The following PCDHGA4 variants were observed in gnomAD, a reference collection of about 807,000 sequenced individuals.
PCDHGA4 encodes the protein protocadherin gamma-A4.
A neutral mutation model predicts 54.6 loss-of-function variants in PCDHGA4; 38 were observed. The observed-to-expected ratio is 0.70, with a 90% confidence interval of 0.54 to 0.91. The LOEUF (loss-of-function observed/expected upper bound fraction) is 0.91. Among genes scored for constraint, PCDHGA4 ranks in the 40% least tolerant of loss-of-function variants. The pLI is 0.00. For missense variants in PCDHGA4, 1,298 were observed against 1,220.9 expected (o/e 1.06, Z -0.94); for synonymous variants, 511 against 512.9 (o/e 1.00, Z 0.05).
chr5:141,410,234 CG>C, intron 1 of PCDHGA4: 1 of 1,613,984 alleles, frequency 6.2e-7, no homozygotes, highest in Non-Finnish European at 8.5e-7. Context: ...CCTCAGCGAC[CG>C]CCCTGTACTC....
Position 141,477,584 on chromosome 5 carries a change from G to A in PCDHGA4, c.2515-17223G>A. 5 of 1,614,148 alleles carry A rather than the reference G, an allele frequency of 3.1e-6. No homozygotes were observed. Among genetic ancestry groups the A allele is most frequent in the Non-Finnish European group, 4.2e-6 (5 of 1,180,032 alleles). On this transcript the variant is annotated intron_variant, in intron 1 of 3. Coordinates refer to ENST00000571252, the MANE Select transcript of PCDHGA4 (RefSeq NM_018917.4). This position sits in a 1 kb window ranked among gnomAD's most constrained non-coding sequence, Gnocchi z 4.9. ...CTGGGACCCCGACGCCCCGCAGAAT[G>A]CTCGGCTTTCTTTCTTTCTCTTGGA...
intron 2 of PCDHGA4, among the ~76,000 whole-genome samples, chr5:141,495,107 AC>A (rs1422274779): frequency 1.3e-5 from 2 of 152,048 alleles, no homozygotes; most frequent in Non-Finnish European, 2.9e-5. Context: ...CACGACCGGC[AC>A]CTTTTCCTAT....
At chr5:141,394,399 A>C in intron 1 of PCDHGA4, 3 of 1,614,206 alleles carry the variant, frequency 1.9e-6, no homozygotes, top group Non-Finnish European at 2.5e-6. Context: ...CGAGACCTGC[A>C]GCTACTGGTA....
intron 2 of PCDHGA4, among the ~76,000 whole-genome samples, chr5:141,496,410 A>G (rs77823969): frequency 0.019 from 2,839 of 152,308 alleles, 40 homozygotes; most frequent in Middle Eastern, 0.082. Context: ...ATGGTTGAGT[A>G]CTTGCTGTCC....
chr5:141,393,937 A>T, intron 1 of PCDHGA4: 1 of 1,613,906 alleles, frequency 6.2e-7, no homozygotes, highest in Non-Finnish European at 8.5e-7. Context: ...CATGACCAAG[A>T]CTCTGGAAAG....
In PCDHGA4 at chr5:141,355,186, C is replaced by T. The variant is rs1308919687; in HGVS notation, c.79C>T (p.Arg27Cys). 6.3e-7 allele frequency: 1 copy of T among 1,588,558 alleles called. No individual in the cohort carries two copies. Among genetic ancestry groups the T allele is most frequent in the East Asian group, 2.2e-5 (1 of 44,620 alleles). The change falls in exon 1 of 4, where the codon CGC (arginine) becomes TGC (cysteine). Residue 27 changes from arginine to cysteine, a missense_variant. Arg to Cys is a radical substitution (Grantham distance 180, BLOSUM62 -3). Transcript: ENST00000571252. ...TEGKPKHRRL[R>C]GGVVMAAPPA... Reference sequence around the variant, plus strand: ...GGGAAAACCGAAGCACAGGCGACTCCGCGGCGGGGTTGTAATGGCGGCGCC... The same window carrying T: ...GGGAAAACCGAAGCACAGGCGACTCTGCGGCGGGGTTGTAATGGCGGCGCC...
Position 141,361,628 on chromosome 5 carries a change from C to A in PCDHGA4, c.2514+4007C>A, listed in dbSNP as rs751712279. On this transcript the variant is annotated intron_variant, in intron 1 of 3. Coordinates refer to ENST00000571252, the MANE Select transcript of PCDHGA4 (RefSeq NM_018917.4). Reference sequence around the variant, plus strand: ...TCCATCGTAGCGAGCGACCTGAAGCCGCGGGAGATTTTATCCTACGTGTCC... The same window carrying A: ...TCCATCGTAGCGAGCGACCTGAAGCAGCGGGAGATTTTATCCTACGTGTCC... 3.1e-6 allele frequency: 5 copies of A among 1,613,906 alleles called. No individual in the cohort carries two copies. In the South Asian group the frequency reaches 4.4e-5, roughly 14 times the overall value.
intron 2 of PCDHGA4, among the ~76,000 whole-genome samples, chr5:141,502,401 G>A (rs191747075): frequency 2.0e-5 from 3 of 151,874 alleles, no homozygotes; most frequent in Admixed American, 1.3e-4. Flanking sequence ...AAATGTCCCC[G>A]AACCTGGATT....
rs369206085 is a variant in PCDHGA4 at position 141,490,515 on chromosome 5, G to A, written c.2515-4292G>A. On this transcript the variant is annotated intron_variant, in intron 1 of 3. Transcript: ENST00000571252. The surrounding 1 kb of genome is among the most constrained non-coding windows in gnomAD (Gnocchi z 5.4). ...CATCCCACTATATCATCGAGCTGCT[G>A]GCCAGCGATGCTGGTTCACCTTCCC... The A allele has an allele frequency of 2.3e-5, 37 of 1,613,840 alleles. No individual in the cohort carries two copies. In the Middle Eastern group the frequency reaches 1.2e-3, roughly 50 times the overall value.
In PCDHGA4 at chr5:141,385,180, G is replaced by A. The variant is rs200338637; in HGVS notation, c.2514+27559G>A. On this transcript the variant is annotated intron_variant, in intron 1 of 3. Coordinates refer to ENST00000571252, the MANE Select transcript of PCDHGA4 (RefSeq NM_018917.4). ...CTATTCCCATGAGGTCTCCCTCACC[G>A]CGGACTCTCGGAAGAGTCACCTGAT... The A allele has an allele frequency of 2.4e-4, 390 of 1,614,178 alleles. 1 individual carries two copies. The highest frequency in any genetic ancestry group is 3.1e-4 in the Non-Finnish European group (365 of 1,180,034).
Position 141,485,113 on chromosome 5 carries a change from T to G in PCDHGA4, c.2515-9694T>G. On this transcript the variant is annotated intron_variant, in intron 1 of 3. Transcript: ENST00000571252. This position sits in a 1 kb window ranked among gnomAD's most constrained non-coding sequence, Gnocchi z 5.7. ...AGGTGTCTCCAGCTGCTGTGGCTGTTTGGGGCGGGTCGGCTTCATCCGCGT... is the reference window on the plus strand; with the variant it reads ...AGGTGTCTCCAGCTGCTGTGGCTGTGTGGGGCGGGTCGGCTTCATCCGCGT... 1 of 1,286,014 alleles carries G rather than the reference T, an allele frequency of 7.8e-7. No individual in the cohort carries two copies. Among genetic ancestry groups the G allele is most frequent in the Non-Finnish European group, 1.1e-6 (1 of 898,642 alleles). 79.7% of individuals were successfully genotyped at this position (1,286,014 alleles called of 1,614,324 possible). A position where few individuals can be genotyped will look rare whatever the true frequency, so the allele number is the denominator to read the frequency against.
intron 1 of PCDHGA4, chr5:141,400,092 G>A (rs2093959231): frequency 6.2e-7 from 1 of 1,613,942 alleles, no homozygotes; most frequent in South Asian, 1.1e-5. Context: ...CCACCGCCAC[G>A]CTGCACTTGG....
intron 1 of PCDHGA4, chr5:141,361,711 C>T (rs1232188461): frequency 6.2e-7 from 1 of 1,613,302 alleles, no homozygotes; most frequent in African/African-American, 1.3e-5. Flanking sequence ...TGAGCAGCTG[C>T]GCGCCTTCGA....
Position 141,410,849 on chromosome 5 carries a change from C to CTTTTTTTTT in PCDHGA4, c.2514+53242_2514+53250dup, listed in dbSNP as rs759346998. 1.7e-3 allele frequency: 239 copies of CTTTTTTTTT among 138,144 alleles called. 16 individuals are homozygous for CTTTTTTTTT. Among genetic ancestry groups the CTTTTTTTTT allele is most frequent in the African/African-American group, 4.5e-3 (75 of 16,616 alleles). 8.6% of individuals were successfully genotyped at this position (138,144 alleles called of 1,614,324 possible). On this transcript the variant is annotated intron_variant, in intron 1 of 3. Coordinates refer to ENST00000571252, the MANE Select transcript of PCDHGA4 (RefSeq NM_018917.4). ...CAGACTGAAGATATTTTGTCTTTGT[C>CTTTTTTTTT]TTTTTTTTTTTTTTTTTTTTTTGAG...
rs746063927 is a variant in PCDHGA4 at position 141,355,437 on chromosome 5, G to A, written c.330G>A (p.Pro110=). The change falls in exon 1 of 4, where the codon CCG becomes CCA. Residue 110 remains proline, a synonymous_variant. Transcript: ENST00000571252. ...RGRTQLFALN[P]RSGTLVTAGR... Reference sequence around the variant, plus strand: ...GGACGCAGCTTTTCGCCCTGAACCCGCGCAGCGGCACCTTGGTCACCGCGG... The same window carrying A: ...GGACGCAGCTTTTCGCCCTGAACCCACGCAGCGGCACCTTGGTCACCGCGG... The A allele has an allele frequency of 5.0e-6, 8 of 1,613,990 alleles. No individual in the cohort carries two copies. Among genetic ancestry groups the A allele is most frequent in the African/African-American group, 1.3e-5 (1 of 74,952 alleles).
rs532830928 is a variant in PCDHGA4 at position 141,473,487 on chromosome 5, A to G, written c.2515-21320A>G. Reference sequence around the variant, plus strand: ...TTGTGCCAAGTTCAATGGAAAAAATATAAGGTGTTCTGAGAGAGCATAACA... The same window carrying G: ...TTGTGCCAAGTTCAATGGAAAAAATGTAAGGTGTTCTGAGAGAGCATAACA... On this transcript the variant is annotated intron_variant, in intron 1 of 3. Coordinates refer to ENST00000571252, the MANE Select transcript of PCDHGA4 (RefSeq NM_018917.4). 2.0e-3 allele frequency among the ~76,000 whole-genome samples: 310 copies of G among 152,242 alleles called. 5 individuals carry two copies. The South Asian group carries it at 0.052, about 25-fold the overall frequency.
At chr5:141,373,405 C>A (rs1435253016) in intron 1 of PCDHGA4, among the ~76,000 whole-genome samples, 1 of 152,208 alleles carries the variant, frequency 6.6e-6, no homozygotes, top group Non-Finnish European at 1.5e-5. Context: ...TGCCTGTAGT[C>A]CCAGCTACTC....
chr5:141,376,525 T>C (rs1772783963), intron 1 of PCDHGA4: 1 of 1,613,730 alleles, frequency 6.2e-7, no homozygotes, highest in Non-Finnish European at 8.5e-7. Context: ...TCTTTCCGCC[T>C]AAGCGGGAAG....
intron 1 of PCDHGA4, chr5:141,419,098 G>A (rs993605209): frequency 8.7e-6 from 14 of 1,613,812 alleles, no homozygotes; most frequent in African/African-American, 2.7e-5. Context: ...TGGATCGGGA[G>A]CAGACCCCAG....
Sources: gnomAD v4.1 joint callset for allele counts (sites outside exome capture counted in the v4.1 genomes callset) on GRCh38, gnomAD v4.1.1 for gene constraint, Gnocchi (gnomAD v3.1) non-coding constraint, MANE v1.5 for transcripts, NCBI Gene and HGNC (gene_info 2026-07-23, HGNC 2026-07-21) for gene names.